The following ZNF780A variants were observed in gnomAD, a reference collection of about 807,000 sequenced individuals.
ZNF780A encodes the protein zinc finger protein 780A.
Under a neutral mutation model 56.7 loss-of-function variants are expected in ZNF780A, and 40 were observed. The observed-to-expected ratio is 0.71, with a 90% CI of 0.55 to 0.92. The LOEUF (loss-of-function observed/expected upper bound fraction) is 0.92, where lower values mean the gene tolerates loss of function less well. Among genes scored for constraint, ZNF780A ranks in the 40% least tolerant of loss-of-function variants. The pLI, the probability that ZNF780A is intolerant of heterozygous loss-of-function variation, is 0.00. For synonymous variants in ZNF780A, 231 were observed against 248.3 expected, an observed-to-expected ratio of 0.93 and a Z score of 0.66; for missense variants, 672 against 783.3, an observed-to-expected ratio of 0.86 and a Z score of 1.70.
At chr19:40,089,207 A>G in intron 2 of ZNF780A, 1 of 1,365,426 alleles carries the variant, frequency 7.3e-7, no homozygotes. Context: ...TAACTATGTG[A>G]GGTAATGCAT....
chr19:40,073,035 G>A, downstream of ZNF780A: 3 of 1,490,510 alleles, frequency 2.0e-6, no homozygotes, highest in Non-Finnish European at 2.7e-6. Context: ...GGTAATTATG[G>A]TACAATGGCT....
chr19:40,089,115 G>T (rs1163247701), intron 2 of ZNF780A: 2 of 712,494 alleles, frequency 2.8e-6, no homozygotes, highest in Non-Finnish European at 4.0e-6. Context: ...ACACAACAGG[G>T]TATCTCCAAT....
chr19:40,078,741 A>C (rs1405522584), intron 5 of ZNF780A, among the ~76,000 whole-genome samples: 1 of 152,220 alleles, frequency 6.6e-6, no homozygotes, highest in African/African-American at 2.4e-5. Flanking sequence ...AGCTGAGGGC[A>C]GACCAGCTCT....
chr19:40,084,689 G>C (rs1482263755), intron 3 of ZNF780A, 56 bp downstream of exon 3: 2 of 1,507,958 alleles, frequency 1.3e-6, no homozygotes, highest in Non-Finnish European at 1.8e-6. Flanking sequence ...AATAATAACA[G>C]TCACCTAACC....
chr19:40,078,054 A>G (rs1418521948), intron 5 of ZNF780A, among the ~76,000 whole-genome samples: 2 of 151,710 alleles, frequency 1.3e-5, no homozygotes, highest in Admixed American at 6.6e-5. Context: ...CAAACAAATC[A>G]GAAAAAAAAA....
At chr19:40,070,901 T>C (rs1973795946), downstream of ZNF780A, 1 of 152,000 alleles carries the variant, frequency 6.6e-6, no homozygotes, top group African/African-American at 2.4e-5. Flanking sequence ...ACCCAGGGAA[T>C]CTGTTGAGTT....
intron 5 of ZNF780A, among the ~76,000 whole-genome samples, chr19:40,078,041 A>G (rs1974246482): frequency 6.6e-6 from 1 of 151,842 alleles, no homozygotes; most frequent in African/African-American, 2.4e-5. Context: ...CGGAAGAACA[A>G]TACAAACAAA....
In ZNF780A at chr19:40,075,474, T is replaced by C. The variant is rs1468284446; in HGVS notation, c.968A>G (p.His323Arg). 1.2e-6 allele frequency: 2 copies of C among 1,614,008 alleles called. No homozygotes were observed. The highest frequency in any genetic ancestry group is 2.2e-5 in the South Asian group (2 of 91,074). ...AFRYHYQLIEHCQIHTGEKPF... is the reference protein window; with the variant it reads ...AFRYHYQLIERCQIHTGEKPF... The stretch of plus-strand genomic sequence containing the variant: ...TTTCTCACCAGTATGAATTTGGCAA[T>C]GTTCAATAAGTTGGTAATGATATCG... Residue 323 changes from histidine (H) to arginine (R), a missense_variant, in exon 6 of 6, where the codon CAT becomes CGT. By Grantham distance (29) the His-to-Arg change is conservative. Transcript: ENST00000683561.
chr19:40,088,268 A>G (rs1484663720), intron 2 of ZNF780A, among the ~76,000 whole-genome samples: 1 of 152,204 alleles, frequency 6.6e-6, no homozygotes, highest in Non-Finnish European at 1.5e-5. Context: ...CATATATATG[A>G]TAAGAGATTA....
chr19:40,083,349 G>A (rs1974594362), intron 3 of ZNF780A, 112 bp from the exon 4 acceptor site: 2 of 1,493,674 alleles, frequency 1.3e-6, no homozygotes, highest in Non-Finnish European at 1.8e-6. Context: ...GAAATTCACA[G>A]AGTGCCTGCA....
At chr19:40,090,372 G>A (rs1975089253) in intron 1 of ZNF780A, 137 bp from the exon 2 acceptor site, 1 of 152,198 alleles carries the variant, frequency 6.6e-6, no homozygotes, top group Non-Finnish European at 1.5e-5. Context: ...AAGAGGAATC[G>A]ATTCAACCAG....
At chr19:40,089,252 A>G (rs1974997799) in intron 2 of ZNF780A, 3 of 1,424,124 alleles carry the variant, frequency 2.1e-6, no homozygotes, top group Non-Finnish European at 1.9e-6. Context: ...TCCACAATGT[A>G]TACATACCAT....
At chr19:40,078,315 A>G (rs2144927992) in intron 5 of ZNF780A, among the ~76,000 whole-genome samples, 1 of 152,256 alleles carries the variant, frequency 6.6e-6, no homozygotes, top group East Asian at 1.9e-4. Context: ...ACAACCAAAT[A>G]TTTGAAATTT....
chr19:40,076,698 C>T (rs1339589507), intron 5 of ZNF780A, among the ~76,000 whole-genome samples: 1 of 152,068 alleles, frequency 6.6e-6, no homozygotes, highest in Non-Finnish European at 1.5e-5. Context: ...AACTGGGGGG[C>T]CTAAGGTCAG....
At chr19:40,082,988 T>A (rs1974566884) in intron 4 of ZNF780A, 123 bp downstream of exon 4, 1 of 1,514,554 alleles carries the variant, frequency 6.6e-7, no homozygotes, top group East Asian at 2.3e-5. Context: ...TCCCAATCCA[T>A]TCCTTTGGGA....
At chr19:40,081,696 TA>T in intron 5 of ZNF780A, 122 bp downstream of exon 5, 1 of 766,068 alleles carries the variant, frequency 1.3e-6, no homozygotes, top group Non-Finnish European at 2.2e-6. Context: ...TGGGCATTTT[TA>T]TCCAACAGGA....
Position 40,075,526 on chromosome 19 carries a change from C to T in ZNF780A, c.916G>A (p.Val306Ile). The change falls in exon 6 of 6, where the codon GTA (valine) becomes ATA (isoleucine). Residue 306 changes from valine (V) to isoleucine (I), a missense_variant. By Grantham distance (29) the Val-to-Ile change is conservative (BLOSUM62 3). Coordinates refer to ENST00000683561, the MANE Select transcript of ZNF780A (RefSeq NM_001142578.2). Reference protein sequence around the residue: ...QKIHSNEKPFVCKECGMAFRY... With the variant: ...QKIHSNEKPFICKECGMAFRY... ...AAGGCCATCCCACATTCCTTACATA[C>T]AAAGGGTTTCTCATTGGAATGAATT... 1 of 1,613,254 alleles carries T rather than the reference C, an allele frequency of 6.2e-7. No individual in the cohort carries two copies. Among genetic ancestry groups the T allele is most frequent in the Non-Finnish European group, 8.5e-7 (1 of 1,179,850 alleles).
At chr19:40,085,059 T>C in intron 2 of ZNF780A, 1 of 847,624 alleles carries the variant, frequency 1.2e-6, no homozygotes, top group Admixed American at 6.2e-5. Flanking sequence ...CAGGCATTTC[T>C]GCCTTGAAGT....
Position 40,073,276 on chromosome 19 carries a change from G to A in ZNF780A, c.*1240C>T, listed in dbSNP as rs1973903033. On this transcript the variant is annotated 3_prime_UTR_variant, in exon 6 of 6. Coordinates refer to ENST00000683561, the MANE Select transcript of ZNF780A (RefSeq NM_001142578.2). ...CAACTAGGTTTACCATCTTTTATGG[G>A]CAGAATTTGTGGTATCCCAAAGCAA... The A allele has an allele frequency of 3.0e-6, 1 of 336,798 alleles. No individual in the cohort carries two copies. The highest frequency in any genetic ancestry group is 4.5e-6 in the Non-Finnish European group (1 of 222,130). 20.9% of individuals were successfully genotyped at this position (336,798 alleles called of 1,614,324 possible). A position where few individuals can be genotyped will look rare whatever the true frequency, so the allele number is the denominator to read the frequency against.
Sources: allele counts gnomAD v4.1 joint callset (sites outside exome capture counted in the v4.1 genomes callset), GRCh38; gene constraint gnomAD v4.1.1; transcripts MANE v1.5; gene names NCBI Gene and HGNC (gene_info 2026-07-23, HGNC 2026-07-21).